The following PPT1 variants were observed in gnomAD, a reference collection of about 807,000 sequenced individuals.
PPT1 encodes the protein ceroid-palmitoyl-palmitoyl-protein thioesterase 1.
Under a neutral mutation model 44.0 loss-of-function variants are expected in PPT1, and 24 were observed. That is an observed-to-expected ratio of 0.54 (90% CI 0.39 to 0.77). The LOEUF is 0.77. Among genes scored for constraint, PPT1 ranks in the 30% least tolerant of loss-of-function variants. The probability of loss-of-function intolerance (pLI) is 0.00; values close to 1 mark genes in which losing one functional copy is unlikely to be tolerated. For missense variants in PPT1, 341 were observed against 378.8 expected (o/e 0.90, Z 0.83); for synonymous variants, 148 against 140.2 (o/e 1.06, Z -0.39).
At chr1:40,086,901 T>C (rs1306573134) in intron 5 of PPT1, among the ~76,000 whole-genome samples, 1 of 152,062 alleles carries the variant, frequency 6.6e-6, no homozygotes, top group East Asian at 1.9e-4. Context: ...AGTATTACTT[T>C]CTTTTAAAAT....
In PPT1 at chr1:40,072,762, C is replaced by T. The variant is rs1648290583; in HGVS notation, c.*1299G>A. 1 of 152,084 alleles carries T rather than the reference C, an allele frequency of 6.6e-6. No individual in the cohort carries two copies. Among genetic ancestry groups the T allele is most frequent in the African/African-American group, 2.4e-5 (1 of 41,334 alleles). 9.4% of individuals were successfully genotyped at this position (152,084 alleles called of 1,614,324 possible). On this transcript the variant is annotated 3_prime_UTR_variant, in exon 9 of 9. Transcript: ENST00000642050. Reference sequence around the variant, plus strand: ...AACCTCATAAAATTATTTTCACATCCCCCCCAACTTCTTGCTCTTAATCCT... The same window carrying T: ...AACCTCATAAAATTATTTTCACATCTCCCCCAACTTCTTGCTCTTAATCCT...
At chr1:40,094,096 C>A in intron 1 of PPT1, 1 of 624,700 alleles carries the variant, frequency 1.6e-6, no homozygotes, top group South Asian at 1.8e-5. Context: ...AGCAGAGGTA[C>A]ACATTCCCTT....
At chr1:40,079,242 C>A (rs188492316) in intron 6 of PPT1, among the ~76,000 whole-genome samples, 1 of 152,050 alleles carries the variant, frequency 6.6e-6, no homozygotes, top group Non-Finnish European at 1.5e-5. Flanking sequence ...TCCAGTCTAC[C>A]GCTGATGGGC....
intron 1 of PPT1, among the ~76,000 whole-genome samples, chr1:40,096,501 C>G (rs1261369423): frequency 6.6e-6 from 1 of 152,134 alleles, no homozygotes; most frequent in Non-Finnish European, 1.5e-5. Flanking sequence ...CCACACCTGA[C>G]CTCATGTGAT....
At position 40,075,958 on chromosome 1, in the gene PPT1, C is replaced by CAA. The variant is rs56338772; in HGVS notation, c.798+882_798+883dup. On this transcript the variant is annotated intron_variant, in intron 8 of 8. Coordinates refer to ENST00000642050, the MANE Select transcript of PPT1 (RefSeq NM_000310.4). ...CCTGGGTGACAAAGCAAGACTGTCT[C>CAA]AAAAAAAAAAAAAAAAAAAAAAAAA... is the stretch of plus-strand genomic sequence containing the variant. Among the ~76,000 whole-genome samples, 87 of 41,848 alleles carry CAA rather than the reference C, an allele frequency of 2.1e-3. 1 individual carries two copies. The highest frequency in any genetic ancestry group is 8.6e-3 in the African/African-American group (75 of 8,706). 27.5% of individuals were successfully genotyped at this position (41,848 alleles called of 152,430 possible). A position where few individuals can be genotyped will look rare whatever the true frequency, so the allele number is the denominator to read the frequency against.
chr1:40,083,182 T>G (rs1193353822), intron 5 of PPT1, among the ~76,000 whole-genome samples: 1 of 152,216 alleles, frequency 6.6e-6, no homozygotes, highest in African/African-American at 2.4e-5. Flanking sequence ...GCATGGTGGC[T>G]CATACCTACA....
At position 40,092,393 on chromosome 1, in the gene PPT1, C is replaced by T; in HGVS notation, c.234+5G>A. ...CTTCAAAGGAACAGCTGTGAAGCGC[C>T]TTACCTCCATCAGGGTCTTCCCAAT... On this transcript the variant is annotated splice_donor_5th_base_variant and intron_variant, in intron 2 of 8. Coordinates refer to ENST00000642050, the MANE Select transcript of PPT1 (RefSeq NM_000310.4). 1 of 1,597,214 alleles carries T rather than the reference C, an allele frequency of 6.3e-7. No individual in the cohort carries two copies. The highest frequency in any genetic ancestry group is 1.3e-5 in the African/African-American group (1 of 74,602).
intron 1 of PPT1, among the ~76,000 whole-genome samples, chr1:40,094,562 T>C (rs4660386): frequency 0.65 from 97,932 of 151,478 alleles, 32,355 homozygotes; most frequent in Non-Finnish European, 0.72. Context: ...AGTGAGTGCC[T>C]CCTTAAATTT....
chr1:40,076,500 G>A (rs1648639757), intron 8 of PPT1: 6 of 690,018 alleles, frequency 8.7e-6, no homozygotes, highest in Admixed American at 6.3e-5. Context: ...ATCATGCATG[G>A]AGGCTTCCTG....
At chr1:40,091,500 A>T in intron 3 of PPT1, 101 bp from the exon 4 acceptor site, 1 of 1,045,046 alleles carries the variant, frequency 9.6e-7, no homozygotes. Flanking sequence ...TGACTCCCCA[A>T]ACCCGCAGAG....
At chr1:40,087,874 TA>T (rs1247974951) in intron 5 of PPT1, among the ~76,000 whole-genome samples, 1 of 151,252 alleles carries the variant, frequency 6.6e-6, no homozygotes, top group African/African-American at 2.4e-5. Context: ...CTTAGTTTTC[TA>T]TAATAACCAT....
chr1:40,082,204 G>A (rs987606658), intron 5 of PPT1: 1 of 152,182 alleles, frequency 6.6e-6, no homozygotes. Context: ...CAGAGTGGAA[G>A]AGCTGCCCAG....
chr1:40,078,814 G>A (rs1187291762), intron 6 of PPT1, 156 bp from the exon 7 acceptor site: 1 of 686,718 alleles, frequency 1.5e-6, no homozygotes, highest in Admixed American at 2.1e-5. Context: ...GGATATACCT[G>A]TACAGCTTTT....
chr1:40,075,477 CT>C (rs5773686), intron 8 of PPT1, among the ~76,000 whole-genome samples: 160 of 144,708 alleles, frequency 1.1e-3, no homozygotes, highest in Non-Finnish European at 1.4e-3. Flanking sequence ...TTTCTCAAGC[CT>C]TTTTTTTTTT....
chr1:40,096,221 C>T (rs145691302), intron 1 of PPT1, among the ~76,000 whole-genome samples: 81 of 152,274 alleles, frequency 5.3e-4, no homozygotes, highest in African/African-American at 1.9e-3. Context: ...TTATCCTACA[C>T]CCTACTATAT....
At chr1:40,083,472 A>G (rs1472907891) in intron 5 of PPT1, among the ~76,000 whole-genome samples, 1 of 152,124 alleles carries the variant, frequency 6.6e-6, no homozygotes, top group Non-Finnish European at 1.5e-5. Flanking sequence ...ATTTTTTTTA[A>G]TTAAAAAAAG....
chr1:40,089,297 A>AAAAAAAAAAAAAAATT, intron 5 of PPT1, 113 bp downstream of exon 5: 3 of 616,438 alleles, frequency 4.9e-6, no homozygotes, highest in Non-Finnish European at 5.8e-6. Flanking sequence ...AAAAAAAAAG[A>AAAAAAAAAAAAAAATT]TCTCATTTGA....
downstream of PPT1, chr1:40,072,159 G>A (rs1003663348): frequency 7.5e-6 from 3 of 398,018 alleles, no homozygotes; most frequent in Admixed American, 4.4e-5. Context: ...TGCTGTAGCA[G>A]TGCCCTTCAT....
chr1:40,087,461 T>C (rs192942661), intron 5 of PPT1, among the ~76,000 whole-genome samples: 40 of 152,132 alleles, frequency 2.6e-4, no homozygotes, highest in African/African-American at 9.1e-4. Flanking sequence ...CAGGCTGGTC[T>C]TGAACTCCAG....
Sources: gnomAD v4.1 joint callset for allele counts (sites outside exome capture counted in the v4.1 genomes callset) on GRCh38, gnomAD v4.1.1 for gene constraint, MANE v1.5 for transcripts, NCBI Gene and HGNC (gene_info 2026-07-23, HGNC 2026-07-21) for gene names.